FHIT: variants seen among roughly 807,000 people sequenced by gnomAD.
FHIT encodes fragile histidine triad diadenosine triphosphatase, also known as bis(5'-adenosyl)-triphosphatase.
FHIT carries 19 observed loss-of-function variants against 17.9 expected under a neutral mutation model. That is an observed-to-expected ratio of 1.06 (90% CI 0.74 to 1.56). The LOEUF is 1.56. Among genes scored for constraint, FHIT ranks in the 40% most tolerant of loss-of-function variants. The probability of loss-of-function intolerance (pLI) is 0.00; values close to 1 mark genes in which losing one functional copy is unlikely to be tolerated. For missense variants in FHIT, 248 were observed against 189.2 expected (o/e 1.31, Z -1.82); for synonymous variants, 81 against 69.7 (o/e 1.16, Z -0.81).
At chr3:59,902,472 C>T (rs1704374108) in intron 8 of FHIT, among the ~76,000 whole-genome samples, 1 of 151,788 alleles carries the variant, frequency 6.6e-6, no homozygotes, top group South Asian at 2.1e-4. Flanking sequence ...AATCCCCCAT[C>T]CAAAAGAGAT....
At chr3:61,060,845 C>G (rs142089335) in intron 2 of FHIT, among the ~76,000 whole-genome samples, 227 of 152,310 alleles carry the variant, frequency 1.5e-3, no homozygotes, top group African/African-American at 5.1e-3. Flanking sequence ...TAAGCAACCA[C>G]AGAGCATGAT....
chr3:60,474,989 T>C (rs770479912), intron 5 of FHIT, among the ~76,000 whole-genome samples: 1 of 152,180 alleles, frequency 6.6e-6, no homozygotes, highest in Non-Finnish European at 1.5e-5. Flanking sequence ...CTGTTATTAA[T>C]ACAATGAACC....
At position 59,927,463 on chromosome 3, in the gene FHIT, T is replaced by A. The variant is rs868497264; in HGVS notation, c.280-5049A>T. ...ATTATATCTCAATAAAGCTATTACT[T>A]AAAAAAAAAAAAAAAAACTGAAGGC... On this transcript the variant is annotated intron_variant, in intron 7 of 9. Transcript: ENST00000492590. Among the ~76,000 whole-genome samples the A allele has an allele frequency of 1.4e-4, 18 of 130,260 alleles. No individual in the cohort carries two copies. The South Asian group carries it at 2.6e-3, about 19-fold the overall frequency. The allele number at this position is 130,260 out of a possible 152,430, so 85.5% of individuals were successfully genotyped here. A position where few individuals can be genotyped will look rare whatever the true frequency, so the allele number is the denominator to read the frequency against.
At position 59,978,647 on chromosome 3, in the gene FHIT, G is replaced by A. The variant is rs116091222; in HGVS notation, c.279+32724C>T. 8.8e-3 allele frequency among the ~76,000 whole-genome samples: 1,328 copies of A among 150,066 alleles called. 22 individuals are homozygous for A. Among genetic ancestry groups the A allele is most frequent in the African/African-American group, 0.03 (1,246 of 40,884 alleles). ...GGGCTTTGGGGAGCTGCTGAGGAGG[G>A]ACACTTTGCAACCTCCAAAATTACT... On this transcript the variant is annotated intron_variant, in intron 7 of 9. Coordinates refer to ENST00000492590, the MANE Select transcript of FHIT (RefSeq NM_002012.4).
chr3:60,572,582 G>C (rs2037422742), intron 4 of FHIT, among the ~76,000 whole-genome samples: 1 of 151,990 alleles, frequency 6.6e-6, no homozygotes, highest in Non-Finnish European at 1.5e-5. Flanking sequence ...GATCATCCTG[G>C]TATCCAATGT....
intron 4 of FHIT, among the ~76,000 whole-genome samples, chr3:60,742,681 G>A (rs1553714175): frequency 1.3e-5 from 2 of 152,194 alleles, no homozygotes; most frequent in Admixed American, 6.5e-5. Flanking sequence ...ATCCTAAGTT[G>A]GTAATGAGTC....
intron 2 of FHIT, among the ~76,000 whole-genome samples, chr3:61,183,890 A>G (rs1417970965): frequency 6.6e-6 from 1 of 151,838 alleles, no homozygotes; most frequent in Non-Finnish European, 1.5e-5. Flanking sequence ...ATCATGGGCA[A>G]CTGTTGTTCA....
At chr3:60,328,954 C>G (rs1709831859) in intron 5 of FHIT, among the ~76,000 whole-genome samples, 2 of 152,154 alleles carry the variant, frequency 1.3e-5, no homozygotes, top group Non-Finnish European at 2.9e-5. Context: ...GATTCAGGAC[C>G]TCAATACACA....
intron 3 of FHIT, among the ~76,000 whole-genome samples, chr3:61,041,237 G>C (rs952928099): frequency 2.0e-5 from 3 of 151,948 alleles, no homozygotes; most frequent in South Asian, 2.1e-4. Context: ...AAATTAGCTA[G>C]GTGTGGTGGC....
intron 2 of FHIT, among the ~76,000 whole-genome samples, chr3:61,072,279 C>T (rs1048705400): frequency 6.6e-6 from 1 of 152,070 alleles, no homozygotes; most frequent in African/African-American, 2.4e-5. Context: ...CAACCTATAC[C>T]CAGGGACAAG....
At chr3:61,233,139 G>A (rs2040147172) in intron 1 of FHIT, among the ~76,000 whole-genome samples, 1 of 152,032 alleles carries the variant, frequency 6.6e-6, no homozygotes, top group Non-Finnish European at 1.5e-5. Context: ...ATTTGGAGAG[G>A]GCAATTCGGT....
chr3:60,620,685 A>G (rs1190075189), intron 4 of FHIT, among the ~76,000 whole-genome samples: 1 of 151,622 alleles, frequency 6.6e-6, no homozygotes, highest in Non-Finnish European at 1.5e-5. Flanking sequence ...AACATAGGAG[A>G]TTTTTTAGGG....
At position 60,484,717 on chromosome 3, in the gene FHIT, G is replaced by A. The variant is rs148483780; in HGVS notation, c.103+52143C>T. On this transcript the variant is annotated intron_variant, in intron 5 of 9. Coordinates refer to ENST00000492590, the MANE Select transcript of FHIT (RefSeq NM_002012.4). ...TGTAAAACCCAAAACTATAAAAACC[G>A]TAGAACAAAACCTAGGCAATACCAT... Among the ~76,000 whole-genome samples the A allele has an allele frequency of 6.2e-3, 948 of 151,996 alleles. 11 individuals are homozygous for A. The highest frequency in any genetic ancestry group is 0.021 in the African/African-American group (861 of 41,518).
rs948892957 is a variant in FHIT, at chr3:60,324,965, CATTCTAGAT to C, written c.103+211886_103+211894del. On this transcript the variant is annotated intron_variant, in intron 5 of 9. Transcript: ENST00000492590. ...ACTAAAGTAATTCAATGATAATGAGCATTCTAGATATTTCTGAAGGTTTCTGAAGGTCAC... is the reference window on the plus strand; with the variant it reads ...ACTAAAGTAATTCAATGATAATGAGCATTTCTGAAGGTTTCTGAAGGTCAC... 2.8e-4 allele frequency among the ~76,000 whole-genome samples: 42 copies of C among 151,946 alleles called. 1 individual carries two copies. Among genetic ancestry groups the C allele is most frequent in the African/African-American group, 9.9e-4 (41 of 41,352 alleles).
intron 3 of FHIT, among the ~76,000 whole-genome samples, chr3:60,835,544 A>T (rs1382788200): frequency 2.6e-5 from 4 of 152,326 alleles, no homozygotes; most frequent in Non-Finnish European, 5.9e-5. Context: ...ACAAAGAAAT[A>T]CAATTGATAA....
At chr3:59,938,051 C>A (rs1706328306) in intron 7 of FHIT, among the ~76,000 whole-genome samples, 1 of 152,170 alleles carries the variant, frequency 6.6e-6, no homozygotes, top group Non-Finnish European at 1.5e-5. Context: ...AGATGTGCTA[C>A]AAGTCCATAT....
intron 5 of FHIT, among the ~76,000 whole-genome samples, chr3:60,218,603 AC>A (rs1703808658): frequency 6.6e-6 from 1 of 152,150 alleles, no homozygotes; most frequent in Non-Finnish European, 1.5e-5. Context: ...TTTCGATCTT[AC>A]AGAAAAGTTC....
At chr3:60,678,698 G>T (rs1169045492) in intron 4 of FHIT, among the ~76,000 whole-genome samples, 1 of 152,114 alleles carries the variant, frequency 6.6e-6, no homozygotes, top group Non-Finnish European at 1.5e-5. Flanking sequence ...ATGATCCTAA[G>T]TTGAAAAATA....
At chr3:60,395,005 A>T (rs917368036) in intron 5 of FHIT, among the ~76,000 whole-genome samples, 2 of 152,234 alleles carry the variant, frequency 1.3e-5, no homozygotes, top group African/African-American at 4.8e-5. Context: ...CTGAAGCTAG[A>T]TGATACAATA....
Sources: allele counts gnomAD v4.1 joint callset (sites outside exome capture counted in the v4.1 genomes callset), GRCh38; gene constraint gnomAD v4.1.1; transcripts MANE v1.5; gene names NCBI Gene and HGNC (gene_info 2026-07-23, HGNC 2026-07-21).